The following SRPK2 variants were observed in gnomAD, a reference collection of about 807,000 sequenced individuals.
SRPK2 encodes SRSF protein kinase 2, also known as SFRS protein kinase 2.
A neutral mutation model predicts 90.8 loss-of-function variants in SRPK2; 21 were observed. The ratio of observed to expected loss-of-function variants is 0.23; its 90% CI spans 0.16 to 0.33. The LOEUF is 0.33. Among genes scored for constraint, SRPK2 ranks in the 10% least tolerant of loss-of-function variants. The probability of loss-of-function intolerance (pLI) is 1.00; values close to 1 mark genes in which losing one functional copy is unlikely to be tolerated. For missense variants in SRPK2, 620 were observed against 869.0 expected (o/e 0.71, Z 3.60); for synonymous variants, 288 against 311.1 (o/e 0.93, Z 0.78).
chr7:105,323,070 A>G (rs1463232355), intron 2 of SRPK2, among the ~76,000 whole-genome samples: 2 of 152,088 alleles, frequency 1.3e-5, no homozygotes, highest in Non-Finnish European at 2.9e-5. Flanking sequence ...ATGGTGGCGC[A>G]TGCCTGTAAT....
At chr7:105,183,974 ATT>A (rs57622134) in intron 3 of SRPK2, among the ~76,000 whole-genome samples, 1 of 116,278 alleles carries the variant, frequency 8.6e-6, no homozygotes, top group Non-Finnish European at 1.7e-5. Context: ...ACTATTACCA[ATT>A]TTTTTTTTTT....
intron 2 of SRPK2, among the ~76,000 whole-genome samples, chr7:105,331,673 C>T (rs1330252608): frequency 2.6e-5 from 4 of 152,054 alleles, no homozygotes; most frequent in African/African-American, 9.7e-5. Context: ...ACATATGAGC[C>T]CTCACCTCAC....
At chr7:105,167,929 G>T in intron 5 of SRPK2, 79 bp downstream of exon 5, 1 of 1,223,068 alleles carries the variant, frequency 8.2e-7, no homozygotes, top group Non-Finnish European at 1.1e-6. Context: ...CTTTAATTTA[G>T]TATTACCCAG....
rs563717256 is a variant in SRPK2, at chr7:105,241,348, C to T, written c.72-37563G>A. ...GAAACTGGACTCCGGAGAAGGACTC[C>T]GGAGAAGGTTACCTATTTGCCCTAG... is the stretch of plus-strand genomic sequence containing the variant. On this transcript the variant is annotated intron_variant, in intron 2 of 15. Transcript: ENST00000393651. 1.4e-4 allele frequency among the ~76,000 whole-genome samples: 21 copies of T among 152,236 alleles called. No homozygotes were observed. In the South Asian group the frequency reaches 1.5e-3, roughly 11 times the overall value.
At chr7:105,391,985 T>C (rs576309920), upstream of SRPK2, among the ~76,000 whole-genome samples, 1 of 152,290 alleles carries the variant, frequency 6.6e-6, no homozygotes, top group South Asian at 2.1e-4. Flanking sequence ...ATAAACAAAT[T>C]GCGGTATATA....
intron 6 of SRPK2, among the ~76,000 whole-genome samples, chr7:105,163,091 T>C (rs1453152428): frequency 2.0e-5 from 3 of 152,212 alleles, no homozygotes; most frequent in Non-Finnish European, 4.4e-5. Flanking sequence ...TCAAGATGAA[T>C]TTCTAAAAGA....
rs975017676 is a variant in SRPK2 at position 105,239,693 on chromosome 7, C to T, written c.72-35908G>A. ...GACGGAGTCTGACTTAAAAATAATACTCCACAATATAAAGCAACAACAGAA... is the reference window on the plus strand; with the variant it reads ...GACGGAGTCTGACTTAAAAATAATATTCCACAATATAAAGCAACAACAGAA... On this transcript the variant is annotated intron_variant, in intron 2 of 15. Coordinates refer to ENST00000393651, the MANE Select transcript of SRPK2 (RefSeq NM_182692.3). Among the ~76,000 whole-genome samples, 5 of 152,186 alleles carry T rather than the reference C, an allele frequency of 3.3e-5. No individual in the cohort carries two copies. In the East Asian group the frequency reaches 9.6e-4, roughly 29 times the overall value.
At chr7:105,262,442 C>T (rs986060693) in intron 2 of SRPK2, among the ~76,000 whole-genome samples, 3 of 152,124 alleles carry the variant, frequency 2.0e-5, no homozygotes, top group African/African-American at 7.2e-5. Flanking sequence ...GGCTCCAAGG[C>T]GGACGGCTAA....
At chr7:105,115,420 A>G (rs1584827579), downstream of SRPK2, 1 of 152,192 alleles carries the variant, frequency 6.6e-6, no homozygotes, top group South Asian at 2.1e-4. Context: ...CTGTCTGCCA[A>G]CTTCTAGATA....
intron 7 of SRPK2, among the ~76,000 whole-genome samples, chr7:105,159,485 G>T (rs546848599): frequency 9.8e-6 from 1 of 101,540 alleles, no homozygotes; most frequent in African/African-American, 3.5e-5. Flanking sequence ...CGTACAAAAG[G>T]AAGAAGAGAT....
At chr7:105,374,614 TA>T (rs1472209145) in intron 2 of SRPK2, among the ~76,000 whole-genome samples, 22 of 152,334 alleles carry the variant, frequency 1.4e-4, no homozygotes, top group African/African-American at 3.8e-4. Context: ...AATATACATA[TA>T]TTTTTTTGAG....
chr7:105,287,177 C>T (rs931231542), intron 2 of SRPK2, among the ~76,000 whole-genome samples: 2 of 140,156 alleles, frequency 1.4e-5, no homozygotes, highest in Non-Finnish European at 1.5e-5. Flanking sequence ...AGGAGAATGG[C>T]GTGAACCCGG....
chr7:105,357,182 G>A (rs908514007), intron 2 of SRPK2, among the ~76,000 whole-genome samples: 3 of 151,822 alleles, frequency 2.0e-5, no homozygotes, highest in Admixed American at 1.3e-4. Context: ...GACTACAGGC[G>A]CCCACCACCA....
At position 105,373,695 on chromosome 7, in the gene SRPK2, G is replaced by A. The variant is rs369476615; in HGVS notation, c.71+14953C>T. On this transcript the variant is annotated intron_variant, in intron 2 of 15. Transcript: ENST00000393651. The stretch of plus-strand genomic sequence containing the variant: ...TGGGATTACAGATGTGGGCCACCGC[G>A]CCTGGCTCACAAAAGACATTTTCTA... 4.0e-4 allele frequency among the ~76,000 whole-genome samples: 61 copies of A among 152,032 alleles called. 1 individual carries two copies. In the South Asian group the frequency reaches 8.9e-3, roughly 22 times the overall value.
chr7:105,133,098 G>A lies in SRPK2; in HGVS notation c.1550C>T (p.Thr517Ile), dbSNP rs1411014770. 3 of 1,614,074 alleles carry A rather than the reference G, an allele frequency of 1.9e-6. No individual in the cohort carries two copies. Among genetic ancestry groups the A allele is most frequent in the African/African-American group, 2.7e-5 (2 of 74,938 alleles). The change falls in exon 12 of 16, where the codon ACC becomes ATC. Residue 517 changes from threonine (T) to isoleucine (I), a missense_variant. Transcript: ENST00000393651. ...ATTCACCAACAAGTCAGCTGCCCGG[G>A]TTTTTGCTGGCATGAGCAAACAGCA... ...SSTGDLPKAK[T>I]RAADLLVNPL...
At chr7:105,135,396 G>A (rs561405348) in intron 11 of SRPK2, among the ~76,000 whole-genome samples, 2 of 152,256 alleles carry the variant, frequency 1.3e-5, no homozygotes, top group East Asian at 3.9e-4. Context: ...CTGAACCATC[G>A]TCTGGGGCAG....
At chr7:105,311,725 T>TG (rs1170480005) in intron 2 of SRPK2, among the ~76,000 whole-genome samples, 4 of 152,180 alleles carry the variant, frequency 2.6e-5, no homozygotes, top group Non-Finnish European at 4.4e-5. Context: ...CTGGAACCCT[T>TG]GTACGTTGCT....
At chr7:105,235,698 ATAAT>A (rs1446592488) in intron 2 of SRPK2, among the ~76,000 whole-genome samples, 1 of 152,240 alleles carries the variant, frequency 6.6e-6, no homozygotes, top group Non-Finnish European at 1.5e-5. Context: ...ACTATGAGAA[ATAAT>A]TAACAAAACA....
At chr7:105,391,666 C>T (rs767312378), upstream of SRPK2, among the ~76,000 whole-genome samples, 2 of 151,876 alleles carry the variant, frequency 1.3e-5, no homozygotes, top group Non-Finnish European at 2.9e-5. Context: ...CAGAGTGAGA[C>T]CCCATCTCAA....
Sources: gnomAD v4.1 joint callset for allele counts (sites outside exome capture counted in the v4.1 genomes callset) on GRCh38, gnomAD v4.1.1 for gene constraint, MANE v1.5 for transcripts, NCBI Gene and HGNC (gene_info 2026-07-23, HGNC 2026-07-21) for gene names.